The following PIGO variants were observed in gnomAD, a reference collection of about 807,000 sequenced individuals.
PIGO encodes the protein GPI ethanolamine phosphate transferase 3, catalytic subunit.
A neutral mutation model predicts 86.9 loss-of-function variants in PIGO; 66 were observed. That is an observed-to-expected ratio of 0.76 (90% CI 0.62 to 0.93). The LOEUF is 0.93. Among genes scored for constraint, PIGO ranks in the 40% least tolerant of loss-of-function variants. PIGO has a pLI of 0.00. For synonymous variants in PIGO, 570 were observed against 556.4 expected, an observed-to-expected ratio of 1.02 and a Z score of -0.34; for missense variants, 1,202 against 1,359.1, an observed-to-expected ratio of 0.88 and a Z score of 1.82.
chr9:35,095,566 C>T lies in PIGO; in HGVS notation c.-1G>A. ...AGAGCAACACTGAGGCTTTCTGCAT[C>T]CTGATAGGGGTGGGGAAGTAAATTC... is the stretch of plus-strand genomic sequence containing the variant. On this transcript the variant is annotated splice_region_variant and 5_prime_UTR_variant, in exon 2 of 11. Transcript: ENST00000378617. 4 of 1,554,154 alleles carry T rather than the reference C, an allele frequency of 2.6e-6. No homozygotes were observed. The highest frequency in any genetic ancestry group is 3.5e-6 in the Non-Finnish European group (4 of 1,152,058).
rs376154801 is a variant in PIGO at position 35,090,641 on chromosome 9, C to T, written c.2679G>A (p.Ser893=). 15 of 1,613,992 alleles carry T rather than the reference C, an allele frequency of 9.3e-6. No homozygotes were observed. Among genetic ancestry groups the T allele is most frequent in the African/African-American group, 6.7e-5 (5 of 74,924 alleles). The change falls in exon 8 of 11, where the codon TCG becomes TCA. Residue 893 remains serine, a synonymous_variant. Transcript: ENST00000378617. ...GPFTVPWQAV[S]AWALMATQTF... is the part of the protein sequence containing the mutation. The stretch of plus-strand genomic sequence containing the variant: ...TCTGTGTGGCCATGAGGGCCCAAGC[C>T]GAGACTGCCTGCCATGGCACAGTAA...
rs777529194 is a variant in PIGO, at chr9:35,094,167, T to C, written c.655+49A>G. On this transcript the variant is annotated intron_variant, in intron 3 of 10. Transcript: ENST00000378617. ...CTCAGAATTTGTGGACTAAAGCAGTTCTCCCCAGCTCCCAGTCTTAGAACT... is the reference window on the plus strand; with the variant it reads ...CTCAGAATTTGTGGACTAAAGCAGTCCTCCCCAGCTCCCAGTCTTAGAACT... The C allele has an allele frequency of 1.9e-6, 3 of 1,563,450 alleles. No individual in the cohort carries two copies. In the South Asian group the frequency reaches 3.6e-5, roughly 19 times the overall value.
In PIGO at chr9:35,093,097, C is replaced by G; in HGVS notation, c.1052G>C (p.Gly351Ala). 6.2e-7 allele frequency: 1 copy of G among 1,614,164 alleles called. No homozygotes were observed. Among genetic ancestry groups the G allele is most frequent in the Non-Finnish European group, 8.5e-7 (1 of 1,180,016 alleles). The change falls in exon 6 of 11, where the codon GGT becomes GCT. Residue 351 changes from glycine to alanine, a missense_variant. Transcript: ENST00000378617. ...GEVMAELFSG[G>A]EDSQPHSSAL... ...AGAGGAGTGGGGCTGGGAGTCCTCA[C>G]CCCCTGAGAATAGCTCAGCCATCAC...
chr9:35,091,205 A>G, intron 7 of PIGO, 35 bp downstream of exon 7: 1 of 1,536,164 alleles, frequency 6.5e-7, no homozygotes, highest in Non-Finnish European at 8.8e-7. Flanking sequence ...TCACATCACT[A>G]TTGTCTTTAA....
rs535228820 is a variant in PIGO, at chr9:35,090,456, G to A, written c.2854+10C>T. 1.4e-5 allele frequency: 23 copies of A among 1,605,116 alleles called. No individual in the cohort carries two copies. In the East Asian group the frequency reaches 2.9e-4, roughly 20 times the overall value. On this transcript the variant is annotated intron_variant, in intron 8 of 10. Transcript: ENST00000378617. ...TAAACAATGGAAGCAAGTGAAGGAG[G>A]AGGGGGTACCTGCAAAGAGGAGGTG...
chr9:35,092,188 C>T lies in PIGO; in HGVS notation c.1699G>A (p.Val567Ile), dbSNP rs753542112. Residue 567 changes from valine to isoleucine, a missense_variant, in exon 7 of 11, where the codon GTA becomes ATA. Physicochemically the swap from Val to Ile is conservative, Grantham distance 29. Transcript: ENST00000378617. ...AAGGGGGTGGCCCTGGCCTCAGCTA[C>T]AACAAAACTATCAGAGAAGAACACA... ...LAVFFSDSFV[V>I]AEARATPFLL... 6.2e-6 allele frequency: 10 copies of T among 1,614,054 alleles called. No individual in the cohort carries two copies. In the Middle Eastern group the frequency reaches 6.6e-4, roughly 106 times the overall value.
Position 35,090,627 on chromosome 9 carries a change from A to C in PIGO, c.2693T>G (p.Met898Arg). Residue 898 changes from methionine (M) to arginine (R), a missense_variant, in exon 8 of 11, where the codon ATG (methionine) becomes AGG (arginine). Coordinates refer to ENST00000378617, the MANE Select transcript of PIGO (RefSeq NM_032634.4). ...TGTGGAGTAGAAGGTCTGTGTGGCC[A>C]TGAGGGCCCAAGCCGAGACTGCCTG... ...PWQAVSAWAL[M>R]ATQTFYSTGH... The C allele has an allele frequency of 6.2e-7, 1 of 1,613,958 alleles. No individual in the cohort carries two copies. The highest frequency in any genetic ancestry group is 8.5e-7 in the Non-Finnish European group (1 of 1,180,020).
At position 35,089,080 on chromosome 9, in the gene PIGO, T is replaced by C; in HGVS notation, c.*12A>G. The C allele has an allele frequency of 6.2e-7, 1 of 1,614,004 alleles. No individual in the cohort carries two copies. ...ACTCTCTGTAGCCAAGTGCCAGTAATCACAGACTAGGCTACCTCTGCTGGG... is the reference window on the plus strand; with the variant it reads ...ACTCTCTGTAGCCAAGTGCCAGTAACCACAGACTAGGCTACCTCTGCTGGG... On this transcript the variant is annotated 3_prime_UTR_variant, in exon 11 of 11. Transcript: ENST00000378617.
chr9:35,090,133 G>GCATCCCGGAGCC lies in PIGO; in HGVS notation c.2990_3001dup (p.Asp1000_Ala1001insGlyLeuArgAsp). The GCATCCCGGAGCC allele has an allele frequency of 6.2e-7, 1 of 1,614,232 alleles. No individual in the cohort carries two copies. Among genetic ancestry groups the GCATCCCGGAGCC allele is most frequent in the Non-Finnish European group, 8.5e-7 (1 of 1,180,038 alleles). On this transcript the variant is annotated inframe_insertion, in exon 9 of 11. Transcript: ENST00000378617. ...CAGTGCTGCATAGAAGTGCTGAGGC[G>GCATCCCGGAGCC]CATCCCGGAGCCGCATCTCCATCAG...
At position 35,090,531 on chromosome 9, in the gene PIGO, G is replaced by A. The variant is rs763243879; in HGVS notation, c.2789C>T (p.Ser930Phe). 5 of 1,614,218 alleles carry A rather than the reference G, an allele frequency of 3.1e-6. No homozygotes were observed. Among genetic ancestry groups the A allele is most frequent in the Middle Eastern group, 1.7e-4 (1 of 6,058 alleles). Residue 930 changes from serine (S) to phenylalanine (F), a missense_variant, in exon 8 of 11, where the codon TCC becomes TTC. Physicochemically the swap from Ser to Phe is radical, Grantham distance 155. Coordinates refer to ENST00000378617, the MANE Select transcript of PIGO (RefSeq NM_032634.4). ...AFVGFPEGHG[S>F]CTWLPALLVG... ...TAGCAAAGCAGGCAGCCAAGTACAGGAGCCATGACCCTCTGGGAATCCCAC... is the reference window on the plus strand; with the variant it reads ...TAGCAAAGCAGGCAGCCAAGTACAGAAGCCATGACCCTCTGGGAATCCCAC...
Position 35,094,330 on chromosome 9 carries a change from T to C in PIGO, c.541A>G (p.Thr181Ala), listed in dbSNP as rs768640042. 1.2e-6 allele frequency: 2 copies of C among 1,606,340 alleles called. No homozygotes were observed. The highest frequency in any genetic ancestry group is 1.8e-5 in the Admixed American group (1 of 56,696). ...GCACCAGGGAAAAGGTCTTTCCAGG[T>C]ATCATCTCCCATGAAGACTACACGC... Reference protein sequence around the residue: ...GRRVVFMGDDTWKDLFPGAFS... With the variant: ...GRRVVFMGDDAWKDLFPGAFS... The change falls in exon 3 of 11, where the codon ACC becomes GCC. Residue 181 changes from threonine (T) to alanine (A), a missense_variant. Transcript: ENST00000378617.
At position 35,092,215 on chromosome 9, in the gene PIGO, C is replaced by A; in HGVS notation, c.1672G>T (p.Ala558Ser). ...ACAAAACTATCAGAGAAGAACACAGCCAAGCGAAACAGCAGGAGTAACAGG... is the reference window on the plus strand; with the variant it reads ...ACAAAACTATCAGAGAAGAACACAGACAAGCGAAACAGCAGGAGTAACAGG... ...PVLLLLLFRLAVFFSDSFVVA... is the reference protein window; with the variant it reads ...PVLLLLLFRLSVFFSDSFVVA... Residue 558 changes from alanine to serine, a missense_variant, in exon 7 of 11, where the codon GCT becomes TCT. Ala to Ser is a moderately conservative substitution (Grantham distance 99, BLOSUM62 1). Transcript: ENST00000378617. 1.9e-6 allele frequency: 3 copies of A among 1,614,222 alleles called. No individual in the cohort carries two copies. The highest frequency in any genetic ancestry group is 2.5e-6 in the Non-Finnish European group (3 of 1,180,054).
rs1278325563 is a variant in PIGO, at chr9:35,092,447, G to A, written c.1440C>T (p.Cys480=). The A allele has an allele frequency of 6.2e-7, 1 of 1,614,274 alleles. No individual in the cohort carries two copies. Among genetic ancestry groups the A allele is most frequent in the Admixed American group, 1.7e-5 (1 of 60,038 alleles). The change falls in exon 7 of 11, where the codon TGC becomes TGT. Residue 480 remains cysteine, a synonymous_variant. Coordinates refer to ENST00000378617, the MANE Select transcript of PIGO (RefSeq NM_032634.4). The part of the protein sequence containing the change: ...QWAISPGFPF[C]PLLLTPVAWG... ...AGGCCACAGGTGTCAGGAGTAGAGGGCAGAATGGAAAGCCTGGGGATATTG... is the reference window on the plus strand; with the variant it reads ...AGGCCACAGGTGTCAGGAGTAGAGGACAGAATGGAAAGCCTGGGGATATTG...
rs781454559 is a variant in PIGO, at chr9:35,095,299, G to A, written c.267C>T (p.His89=). ...RFDFAQPQHS[H]VPREPPVSLP... is the part of the protein sequence containing the mutation. ...GGGAGACAGGAGGCTCTCTAGGCAC[G>A]TGTGAATGCTGGGGCTGGGCGAAGT... is the stretch of plus-strand genomic sequence containing the variant. The change falls in exon 2 of 11, where the codon CAC becomes CAT. Residue 89 remains histidine (H), a synonymous_variant. Transcript: ENST00000378617. The A allele has an allele frequency of 6.2e-6, 10 of 1,614,192 alleles. No individual in the cohort carries two copies. The highest frequency in any genetic ancestry group is 8.5e-6 in the Non-Finnish European group (10 of 1,180,030).
chr9:35,095,579 G>A lies in PIGO; in HGVS notation c.-1-13C>T. 1 of 1,529,324 alleles carries A rather than the reference G, an allele frequency of 6.5e-7. No homozygotes were observed. The highest frequency in any genetic ancestry group is 1.3e-5 in the South Asian group (1 of 77,232). The allele number at this position is 1,529,324 out of a possible 1,614,324, so 94.7% of individuals were successfully genotyped here. A position where few individuals can be genotyped will look rare whatever the true frequency, so the allele number is the denominator to read the frequency against. On this transcript the variant is annotated splice_polypyrimidine_tract_variant and intron_variant, in intron 1 of 10. Coordinates refer to ENST00000378617, the MANE Select transcript of PIGO (RefSeq NM_032634.4). ...GGCTTTCTGCATCCTGATAGGGGTG[G>A]GGAAGTAAATTCATTACTGTGGGGC...
In PIGO at chr9:35,089,184, C is replaced by T. The variant is rs551920425; in HGVS notation, c.3178G>A (p.Val1060Met). Residue 1060 changes from valine (V) to methionine (M), a missense_variant, in exon 11 of 11, where the codon GTG becomes ATG. Physicochemically the swap from Val to Met is conservative, Grantham distance 21 (BLOSUM62 1). Transcript: ENST00000378617. ...AAAGCTATGCCCAGGAGAAGTCCCA[C>T]GCTGCTCACAATGAAGCCCACAGCC... ...FEAVGFIVSS[V>M]GLLLGIALVM... The T allele has an allele frequency of 1.1e-5, 18 of 1,614,200 alleles. No individual in the cohort carries two copies. The East Asian group carries it at 1.8e-4, about 16-fold the overall frequency.
Position 35,089,437 on chromosome 9 carries a change from G to A in PIGO, c.3083C>T (p.Ala1028Val). ...FILGIQILAC[A>V]LAASILRRHL... is the part of the protein sequence containing the mutation. ...CCTGCGAAGGATGGAGGCTGCCAAG[G>A]CACAGGCCAGAATCTAGAGGAGGAG... The change falls in exon 10 of 11, where the codon GCC becomes GTC. Residue 1028 changes from alanine to valine, a missense_variant. Coordinates refer to ENST00000378617, the MANE Select transcript of PIGO (RefSeq NM_032634.4). The A allele has an allele frequency of 1.9e-6, 3 of 1,614,202 alleles. No homozygotes were observed. The highest frequency in any genetic ancestry group is 2.5e-6 in the Non-Finnish European group (3 of 1,180,044).
At chr9:35,089,948 CCACTT>C in intron 9 of PIGO, 113 bp downstream of exon 9, 1 of 1,469,194 alleles carries the variant, frequency 6.8e-7, no homozygotes, top group Non-Finnish European at 9.1e-7. Context: ...GCTTGGGCAA[CCACTT>C]CACTTATGTG....
rs768086044 is a variant in PIGO at position 35,095,064 on chromosome 9, T to C, written c.502A>G (p.Thr168Ala). ...IVEDNLIKQL[T>A]SAGRRVVFMG... ...AGTGGCCCACACTGACCTGCACTGG[T>C]GAGCTGCTTAATGAGATTGTCTTCC... is the stretch of plus-strand genomic sequence containing the variant. Residue 168 changes from threonine (T) to alanine (A), a missense_variant, in exon 2 of 11, where the codon ACC becomes GCC. Coordinates refer to ENST00000378617, the MANE Select transcript of PIGO (RefSeq NM_032634.4). 1 of 1,602,312 alleles carries C rather than the reference T, an allele frequency of 6.2e-7. No homozygotes were observed. Among genetic ancestry groups the C allele is most frequent in the South Asian group, 1.1e-5 (1 of 89,548 alleles).
Sources: gnomAD v4.1 joint callset for allele counts on GRCh38, gnomAD v4.1.1 for gene constraint, MANE v1.5 for transcripts, NCBI Gene and HGNC (gene_info 2026-07-23, HGNC 2026-07-21) for gene names.